The following ZNHIT6 variants were observed in gnomAD, a reference collection of about 807,000 sequenced individuals.
ZNHIT6 encodes the protein box C/D snoRNA protein 1.
In ZNHIT6, 45 loss-of-function variants were observed where a neutral mutation model predicts 57.2. The ratio of observed to expected loss-of-function variants is 0.79; its 90% CI spans 0.62 to 1.01. The LOEUF (loss-of-function observed/expected upper bound fraction) is 1.01. ZNHIT6 is among the 50% of genes least tolerant of loss of function. The probability of loss-of-function intolerance (pLI) is 0.00; values close to 1 mark genes in which losing one functional copy is unlikely to be tolerated. For missense variants in ZNHIT6, 528 were observed against 567.3 expected (o/e 0.93, Z 0.70); for synonymous variants, 188 against 190.0 (o/e 0.99, Z 0.09).
At chr1:85,667,410 C>A (rs1424896248) in intron 8 of ZNHIT6, among the ~76,000 whole-genome samples, 1 of 151,978 alleles carries the variant, frequency 6.6e-6, no homozygotes, top group Non-Finnish European at 1.5e-5. Context: ...TTATTCAGGG[C>A]CTTCACATTG....
Position 85,653,815 on chromosome 1 carries a change from G to T in ZNHIT6, c.*243C>A. 5.1e-6 allele frequency: 2 copies of T among 394,494 alleles called. No individual in the cohort carries two copies. The highest frequency in any genetic ancestry group is 3.8e-5 in the East Asian group (1 of 26,066). 24.4% of individuals were successfully genotyped at this position (394,494 alleles called of 1,614,324 possible). A position where few individuals can be genotyped will look rare whatever the true frequency, so the allele number is the denominator to read the frequency against. Reference sequence around the variant, plus strand: ...CAATTAAGCATATTAAAAAGCCAGGGCCTAATAAGTACTATGCTGATCAAG... The same window carrying T: ...CAATTAAGCATATTAAAAAGCCAGGTCCTAATAAGTACTATGCTGATCAAG... On this transcript the variant is annotated 3_prime_UTR_variant, in exon 10 of 10. Transcript: ENST00000370574.
intron 5 of ZNHIT6, among the ~76,000 whole-genome samples, chr1:85,681,537 C>T (rs896244655): frequency 1.3e-5 from 2 of 151,988 alleles, no homozygotes; most frequent in Non-Finnish European, 2.9e-5. Context: ...ATATTGAATC[C>T]AATACAGAAA....
rs141085100 is a variant in ZNHIT6, at chr1:85,671,716, G to A, written c.1247+5520C>T. Among the ~76,000 whole-genome samples the A allele has an allele frequency of 9.4e-3, 1,438 of 152,194 alleles. 58 individuals are homozygous for A. The highest frequency in any genetic ancestry group is 0.063 in the Admixed American group (958 of 15,272). ...ATTAACTCAAATTAATCTTTACAAC[G>A]ATGCAGTATCATTTCTGTTCTGATT... On this transcript the variant is annotated intron_variant, in intron 8 of 9. Coordinates refer to ENST00000370574, the MANE Select transcript of ZNHIT6 (RefSeq NM_017953.4).
chr1:85,672,508 C>G (rs920763711), intron 8 of ZNHIT6, among the ~76,000 whole-genome samples: 3 of 152,178 alleles, frequency 2.0e-5, no homozygotes, highest in Non-Finnish European at 4.4e-5. Context: ...TCTGTACCCT[C>G]TCCTAGTCAT....
chr1:85,680,306 T>G (rs948841723), intron 6 of ZNHIT6, among the ~76,000 whole-genome samples: 2 of 152,254 alleles, frequency 1.3e-5, no homozygotes, highest in African/African-American at 4.8e-5. Context: ...TACACATATA[T>G]ACTTCTAAAA....
intron 4 of ZNHIT6, among the ~76,000 whole-genome samples, 158 bp from the exon 5 acceptor site, chr1:85,702,418 A>G (rs1348132975): frequency 6.6e-6 from 1 of 152,224 alleles, no homozygotes; most frequent in African/African-American, 2.4e-5. Context: ...TGATACTATG[A>G]GAATAGGTAC....
intron 5 of ZNHIT6, among the ~76,000 whole-genome samples, chr1:85,695,224 C>A (rs1268873227): frequency 2.6e-5 from 4 of 151,952 alleles, no homozygotes; most frequent in Non-Finnish European, 4.4e-5. Context: ...ACTGAGATTG[C>A]ACCACTGCAC....
At chr1:85,706,216 A>G in intron 3 of ZNHIT6, 33 bp downstream of exon 3, 1 of 1,610,278 alleles carries the variant, frequency 6.2e-7, no homozygotes, top group Non-Finnish European at 8.5e-7. Flanking sequence ...AATGGCCAGG[A>G]AGCCTCAATT....
At chr1:85,654,432 A>C (rs966536087) in intron 9 of ZNHIT6, among the ~76,000 whole-genome samples, 1 of 152,190 alleles carries the variant, frequency 6.6e-6, no homozygotes, top group South Asian at 2.1e-4. Flanking sequence ...GGTTAGAATA[A>C]ATTTTTTCCA....
intron 8 of ZNHIT6, among the ~76,000 whole-genome samples, chr1:85,664,856 C>T (rs1661324151): frequency 1.3e-5 from 2 of 152,040 alleles, no homozygotes; most frequent in African/African-American, 4.8e-5. Context: ...TTTTGAGACA[C>T]AGTCTCGCTC....
At chr1:85,685,909 A>G (rs1032465049) in intron 5 of ZNHIT6, among the ~76,000 whole-genome samples, 7 of 151,860 alleles carry the variant, frequency 4.6e-5, no homozygotes, top group African/African-American at 1.7e-4. Flanking sequence ...TCATGGGCGC[A>G]TACAGGATGG....
intron 8 of ZNHIT6, among the ~76,000 whole-genome samples, chr1:85,676,407 A>G (rs544563645): frequency 9.9e-5 from 15 of 151,938 alleles, no homozygotes; most frequent in Middle Eastern, 3.4e-3. Flanking sequence ...AGCACTTTTA[A>G]TTTCCTTCAA....
At chr1:85,701,368 C>G (rs149472876) in intron 5 of ZNHIT6, among the ~76,000 whole-genome samples, 449 of 152,266 alleles carry the variant, frequency 2.9e-3, no homozygotes, top group African/African-American at 0.01. Context: ...GGGAGGGACT[C>G]CCTCAAGTTT....
intron 5 of ZNHIT6, 102 bp from the exon 6 acceptor site, chr1:85,681,006 TC>T: frequency 1.3e-6 from 1 of 771,962 alleles, no homozygotes; most frequent in Non-Finnish European, 2.1e-6. Context: ...CCAAAATTAT[TC>T]TTAGACTTTA....
intron 8 of ZNHIT6, among the ~76,000 whole-genome samples, chr1:85,669,553 A>C (rs1421981179): frequency 6.6e-6 from 1 of 152,300 alleles, no homozygotes; most frequent in African/African-American, 2.4e-5. Flanking sequence ...GGCTCTGTGC[A>C]AGTACAACAG....
chr1:85,667,961 A>AAAAAAAATGTATATATATATATATAT, intron 8 of ZNHIT6, among the ~76,000 whole-genome samples: 3 of 18,198 alleles, frequency 1.6e-4, no homozygotes, highest in African/African-American at 6.4e-4. Flanking sequence ...AAAAAAAAAA[A>AAAAAAAATGTATATATATATATATAT]ATATATATAT....
At chr1:85,689,692 G>C (rs1483612693) in intron 5 of ZNHIT6, among the ~76,000 whole-genome samples, 2 of 152,152 alleles carry the variant, frequency 1.3e-5, no homozygotes, top group East Asian at 1.9e-4. Flanking sequence ...ATGAATACTT[G>C]AGTACTTAAG....
intron 5 of ZNHIT6, among the ~76,000 whole-genome samples, chr1:85,687,613 T>C (rs1024502219): frequency 2.0e-5 from 3 of 152,180 alleles, no homozygotes; most frequent in African/African-American, 7.2e-5. Context: ...AGTGTTTCCA[T>C]AGTATATTCA....
chr1:85,694,513 G>C (rs1232893643), intron 5 of ZNHIT6, among the ~76,000 whole-genome samples: 1 of 151,532 alleles, frequency 6.6e-6, no homozygotes, highest in East Asian at 1.9e-4. Context: ...CCAGGTTGGA[G>C]TGCAGTTGCA....
Sources: gnomAD v4.1 joint callset for allele counts (sites outside exome capture counted in the v4.1 genomes callset) on GRCh38, gnomAD v4.1.1 for gene constraint, MANE v1.5 for transcripts, NCBI Gene and HGNC (gene_info 2026-07-23, HGNC 2026-07-21) for gene names.